Variants in ESRRG observed in about 807,000 individuals in gnomAD.
ESRRG encodes the protein estrogen related receptor gamma.
Under a neutral mutation model 44.0 loss-of-function variants are expected in ESRRG, and 13 were observed. The observed-to-expected ratio is 0.30, with a 90% confidence interval of 0.19 to 0.47. The LOEUF is 0.47. Ranked by LOEUF, ESRRG falls within the 20% of genes least tolerant of loss-of-function variation. The probability of loss-of-function intolerance (pLI) is 1.00; values close to 1 mark genes in which losing one functional copy is unlikely to be tolerated. For missense variants in ESRRG, 395 were observed against 580.6 expected (o/e 0.68, Z 3.29); for synonymous variants, 215 against 214.6 (o/e 1.00, Z -0.02).
intron 2 of ESRRG, among the ~76,000 whole-genome samples, chr1:216,847,446 A>G (rs145659238): frequency 1.0e-3 from 156 of 152,288 alleles, no homozygotes; most frequent in African/African-American, 3.6e-3. Flanking sequence ...TAGAAAGGAA[A>G]GGGATACATT....
chr1:216,569,847 T>C (rs570419792), intron 3 of ESRRG, among the ~76,000 whole-genome samples: 72 of 152,290 alleles, frequency 4.7e-4, no homozygotes, highest in African/African-American at 1.7e-3. Context: ...GCCATTAATA[T>C]GCGACGGGCT....
intron 6 of ESRRG, among the ~76,000 whole-genome samples, chr1:216,511,900 CAT>C (rs1195274217): frequency 6.6e-6 from 1 of 152,062 alleles, no homozygotes; most frequent in African/African-American, 2.4e-5. Context: ...TGTTTGAGTA[CAT>C]GTGTTTATAA....
intron 2 of ESRRG, among the ~76,000 whole-genome samples, chr1:216,733,916 G>C (rs2089358749): frequency 6.6e-6 from 1 of 151,314 alleles, no homozygotes; most frequent in Admixed American, 6.6e-5. Flanking sequence ...CTGAACCAGG[G>C]AGGCAGAGGT....
chr1:216,515,413 A>G (rs1351234068), intron 6 of ESRRG, among the ~76,000 whole-genome samples: 1 of 152,100 alleles, frequency 6.6e-6, no homozygotes, highest in East Asian at 1.9e-4. Flanking sequence ...TCAAACCTAT[A>G]TGAGAGTCCA....
intron 1 of ESRRG, among the ~76,000 whole-genome samples, chr1:216,707,081 T>C (rs545057745): frequency 1.4e-4 from 22 of 152,326 alleles, no homozygotes; most frequent in African/African-American, 5.1e-4. Flanking sequence ...TAAAAACTAC[T>C]TTTCAATAGT....
intron 1 of ESRRG, among the ~76,000 whole-genome samples, chr1:216,696,559 T>A (rs1269273113): frequency 6.6e-6 from 1 of 152,140 alleles, no homozygotes; most frequent in East Asian, 1.9e-4. Context: ...TGTTGAAAAG[T>A]CAAAATTACA....
chr1:216,851,168 T>G (rs1057422483), intron 2 of ESRRG, among the ~76,000 whole-genome samples: 2 of 151,758 alleles, frequency 1.3e-5, no homozygotes, highest in Non-Finnish European at 2.9e-5. Context: ...GAAGAAAGGT[T>G]AAAGATCTAT....
chr1:216,888,727 A>T (rs905820011), intron 2 of ESRRG, among the ~76,000 whole-genome samples: 1 of 152,234 alleles, frequency 6.6e-6, no homozygotes, highest in East Asian at 1.9e-4. Context: ...CCCAATGCCA[A>T]ATGAGTGTGT....
chr1:216,793,586 G>C (rs376327325), intron 2 of ESRRG, among the ~76,000 whole-genome samples: 119 of 152,222 alleles, frequency 7.8e-4, no homozygotes, highest in African/African-American at 2.7e-3. Context: ...CCAACACCTT[G>C]AGTGCAACCT....
At chr1:217,118,189 C>G (rs755625085) in intron 1 of ESRRG, among the ~76,000 whole-genome samples, 5 of 152,132 alleles carry the variant, frequency 3.3e-5, no homozygotes, top group Non-Finnish European at 5.9e-5. Flanking sequence ...CATAATTTGC[C>G]CAGGGCTATA....
intron 2 of ESRRG, among the ~76,000 whole-genome samples, chr1:216,743,692 A>G (rs12403401): frequency 0.16 from 24,070 of 152,126 alleles, 1,923 homozygotes; most frequent in Middle Eastern, 0.24. Flanking sequence ...AACACTCATC[A>G]TCATCACTGT....
intron 3 of ESRRG, among the ~76,000 whole-genome samples, chr1:216,647,234 A>G (rs1479725247): frequency 6.6e-6 from 1 of 152,174 alleles, no homozygotes; most frequent in Admixed American, 6.6e-5. Context: ...GATATCATAT[A>G]ATAGATGGGC....
intron 5 of ESRRG, among the ~76,000 whole-genome samples, chr1:216,553,404 T>A (rs1249513420): frequency 6.6e-6 from 1 of 152,204 alleles, no homozygotes; most frequent in Non-Finnish European, 1.5e-5. Flanking sequence ...GGTAGGTGTG[T>A]TGCTGACCTG....
intron 1 of ESRRG, among the ~76,000 whole-genome samples, chr1:217,039,192 C>T (rs2083414755): frequency 6.6e-6 from 1 of 152,132 alleles, no homozygotes; most frequent in African/African-American, 2.4e-5. Flanking sequence ...CCAAACTTTC[C>T]CACATTTTCC....
intron 2 of ESRRG, among the ~76,000 whole-genome samples, chr1:216,781,747 G>A (rs924581278): frequency 6.6e-6 from 1 of 151,964 alleles, no homozygotes; most frequent in Non-Finnish European, 1.5e-5. Flanking sequence ...AATCAGGTAA[G>A]ACAAAAACCA....
chr1:216,670,573 T>C (rs2074967506), intron 2 of ESRRG, among the ~76,000 whole-genome samples: 1 of 152,074 alleles, frequency 6.6e-6, no homozygotes, highest in South Asian at 2.1e-4. Context: ...TGATCCTGAG[T>C]ACCTGAGACC....
intron 1 of ESRRG, among the ~76,000 whole-genome samples, chr1:217,035,027 C>T (rs935529326): frequency 8.5e-5 from 13 of 152,062 alleles, no homozygotes; most frequent in Non-Finnish European, 1.8e-4. Flanking sequence ...TGATGGAGAA[C>T]AAGATAGAGC....
At chr1:216,691,581 C>T (rs10863267) in intron 1 of ESRRG, among the ~76,000 whole-genome samples, 27,194 of 152,032 alleles carry the variant, frequency 0.18, 3,125 homozygotes, top group Middle Eastern at 0.26. Flanking sequence ...TAAGGAGAAA[C>T]GACATAATTA....
At chr1:216,773,943 T>C (rs2093486672) in intron 2 of ESRRG, among the ~76,000 whole-genome samples, 2 of 152,130 alleles carry the variant, frequency 1.3e-5, no homozygotes, top group African/African-American at 4.8e-5. Flanking sequence ...AATTTTATTA[T>C]TAAAAATAGT....
Sources: gnomAD v4.1 joint callset for allele counts (sites outside exome capture counted in the v4.1 genomes callset) on GRCh38, gnomAD v4.1.1 for gene constraint, MANE v1.5 for transcripts, NCBI Gene and HGNC (gene_info 2026-07-23, HGNC 2026-07-21) for gene names.